JARID2: variants seen among roughly 807,000 people sequenced by gnomAD.
JARID2 encodes jumonji and AT-rich interaction domain containing 2.
JARID2 carries 21 observed loss-of-function variants against 125.6 expected under a neutral mutation model. That is an observed-to-expected ratio of 0.17 (90% confidence interval 0.12 to 0.24). The LOEUF is 0.24. Ranked by LOEUF, JARID2 falls within the 10% of genes least tolerant of loss-of-function variation. JARID2 has a pLI of 1.00. For missense variants in JARID2, 1,303 were observed against 1,639.6 expected (o/e 0.79, Z 3.55); for synonymous variants, 736 against 661.6 (o/e 1.11, Z -1.73).
At chr6:15,467,750 G>T (rs1419957892) in intron 4 of JARID2, among the ~76,000 whole-genome samples, 1 of 152,084 alleles carries the variant, frequency 6.6e-6, no homozygotes, top group African/African-American at 2.4e-5. Flanking sequence ...CCAGTAAAGG[G>T]TGCAGTGAGC....
rs183564633 is a variant in JARID2, at chr6:15,488,545, T to C, written c.906+1003T>C. The stretch of plus-strand genomic sequence containing the variant: ...TGTAGAGGGGACGGAAGAGATTTCC[T>C]GGCTGGCAGTGTTGCAGAGTGACTT... On this transcript the variant is annotated intron_variant, in intron 6 of 17. Coordinates refer to ENST00000341776, the MANE Select transcript of JARID2 (RefSeq NM_004973.4). Among the ~76,000 whole-genome samples the C allele has an allele frequency of 1.9e-3, 297 of 152,324 alleles. 2 individuals are homozygous for C. The highest frequency in any genetic ancestry group is 2.6e-4 in the Non-Finnish European group (18 of 68,030).
intron 1 of JARID2, among the ~76,000 whole-genome samples, chr6:15,313,431 C>G (rs1386276633): frequency 6.6e-6 from 1 of 152,166 alleles, no homozygotes; most frequent in Non-Finnish European, 1.5e-5. Context: ...AGGTACTGCA[C>G]AAGCAGTACA....
At chr6:15,514,173 G>A (rs1292649377) in intron 16 of JARID2, among the ~76,000 whole-genome samples, 6 of 116 alleles carry the variant, frequency 0.052, no homozygotes, top group African/African-American at 0.14. Context: ...CTGGATGGCT[G>A]TGGCCTCGCC....
At chr6:15,274,921 T>C (rs1760438912) in intron 1 of JARID2, among the ~76,000 whole-genome samples, 1 of 152,232 alleles carries the variant, frequency 6.6e-6, no homozygotes. Flanking sequence ...TCTGGAATGT[T>C]CTTTCTCCAC....
chr6:15,398,123 T>C (rs1765286466), intron 2 of JARID2, among the ~76,000 whole-genome samples: 1 of 152,176 alleles, frequency 6.6e-6, no homozygotes, highest in Non-Finnish European at 1.5e-5. Flanking sequence ...GCTATTTATA[T>C]ATGTTTATGT....
intron 1 of JARID2, among the ~76,000 whole-genome samples, chr6:15,274,361 T>G (rs1219250842): frequency 6.6e-6 from 1 of 152,220 alleles, no homozygotes; most frequent in Non-Finnish European, 1.5e-5. Context: ...ATGAAGACAC[T>G]GGTGCATTTT....
chr6:15,342,581 A>G (rs1299089787), intron 1 of JARID2, among the ~76,000 whole-genome samples: 1 of 152,204 alleles, frequency 6.6e-6, no homozygotes, highest in Non-Finnish European at 1.5e-5. Flanking sequence ...GTGCACCTTC[A>G]TAATTAACTC....
intron 8 of JARID2, among the ~76,000 whole-genome samples, chr6:15,502,783 G>C (rs926566862): frequency 6.6e-6 from 1 of 152,172 alleles, no homozygotes; most frequent in African/African-American, 2.4e-5. Flanking sequence ...ATCTGAGTCT[G>C]CTCTCCCATT....
intron 3 of JARID2, among the ~76,000 whole-genome samples, chr6:15,416,128 A>C (rs1314442759): frequency 6.9e-6 from 1 of 144,610 alleles, no homozygotes; most frequent in Non-Finnish European, 1.5e-5. Context: ...CCTAGATGGG[A>C]TGGCGGCCGG....
intron 2 of JARID2, among the ~76,000 whole-genome samples, chr6:15,401,403 G>A (rs1194530201): frequency 6.6e-6 from 1 of 152,172 alleles, no homozygotes; most frequent in Non-Finnish European, 1.5e-5. Context: ...ATGCCATCCA[G>A]CTATAGCTGG....
chr6:15,461,755 G>A (rs185551093), intron 4 of JARID2, among the ~76,000 whole-genome samples: 255 of 152,196 alleles, frequency 1.7e-3, no homozygotes, highest in African/African-American at 4.0e-3. Flanking sequence ...AAAATGTTTC[G>A]ACTGAAGACA....
chr6:15,321,395 T>C (rs1025043131), intron 1 of JARID2, among the ~76,000 whole-genome samples: 1 of 152,230 alleles, frequency 6.6e-6, no homozygotes, highest in East Asian at 1.9e-4. Context: ...ATTTCATTAA[T>C]GGGAACCTGC....
chr6:15,509,487 A>G (rs1581664548), intron 12 of JARID2: 2 of 346,440 alleles, frequency 5.8e-6, no homozygotes, highest in Admixed American at 1.3e-4. Flanking sequence ...TCTGTGTGCC[A>G]TGGACGGTGA....
intron 1 of JARID2, among the ~76,000 whole-genome samples, chr6:15,368,155 C>A (rs140014788): frequency 2.3e-4 from 35 of 152,294 alleles, no homozygotes; most frequent in Admixed American, 5.9e-4. Context: ...TAAAGCAGTT[C>A]ATTAACCTGG....
intron 1 of JARID2, among the ~76,000 whole-genome samples, chr6:15,280,906 G>T (rs1760724659): frequency 6.6e-6 from 1 of 152,104 alleles, no homozygotes. Context: ...TGGAATTACA[G>T]GCATGAGCCA....
chr6:15,283,199 C>G, intron 1 of JARID2, among the ~76,000 whole-genome samples: 1 of 148,676 alleles, frequency 6.7e-6, no homozygotes, highest in African/African-American at 2.5e-5. Flanking sequence ...AGGACGGTCT[C>G]GATCTGCCGA....
At chr6:15,323,390 C>T (rs932339399) in intron 1 of JARID2, among the ~76,000 whole-genome samples, 6 of 152,158 alleles carry the variant, frequency 3.9e-5, no homozygotes, top group African/African-American at 1.4e-4. Flanking sequence ...ATCCTGCCCT[C>T]TTGGCCTAGC....
At chr6:15,367,084 C>T (rs1343215390) in intron 1 of JARID2, among the ~76,000 whole-genome samples, 1 of 152,004 alleles carries the variant, frequency 6.6e-6, no homozygotes, top group African/African-American at 2.4e-5. Flanking sequence ...GAGGTATTTC[C>T]CTGTCGTTAC....
At chr6:15,376,482 G>A (rs924983625) in intron 2 of JARID2, among the ~76,000 whole-genome samples, 4 of 152,140 alleles carry the variant, frequency 2.6e-5, no homozygotes, top group East Asian at 3.9e-4. Context: ...TTGAAAGGCC[G>A]AGGAGGGAGG....
Sources: allele counts gnomAD v4.1 joint callset (sites outside exome capture counted in the v4.1 genomes callset), GRCh38; gene constraint gnomAD v4.1.1; transcripts MANE v1.5; gene names NCBI Gene and HGNC (gene_info 2026-07-23, HGNC 2026-07-21).